The following BMPR1B variants were observed in gnomAD, a reference collection of about 807,000 sequenced individuals.
BMPR1B encodes the protein bone morphogenetic protein receptor type 1B.
BMPR1B carries 12 observed loss-of-function variants against 59.1 expected under a neutral mutation model. That is an observed-to-expected ratio of 0.20 (90% CI 0.13 to 0.33). The LOEUF (loss-of-function observed/expected upper bound fraction) is 0.33. Among genes scored for constraint, BMPR1B ranks in the 10% least tolerant of loss-of-function variants. BMPR1B has a pLI of 1.00. For missense variants in BMPR1B, 550 were observed against 610.9 expected (o/e 0.90, Z 1.05); for synonymous variants, 237 against 207.3 (o/e 1.14, Z -1.23).
intron 10 of BMPR1B, among the ~76,000 whole-genome samples, chr4:95,143,061 C>T (rs1348701279): frequency 6.6e-6 from 1 of 152,126 alleles, no homozygotes; most frequent in African/African-American, 2.4e-5. Context: ...GCTCATGTTT[C>T]ATTCTCCAAC....
At chr4:94,832,150 CTG>C (rs1291654134) in intron 1 of BMPR1B, among the ~76,000 whole-genome samples, 2 of 151,944 alleles carry the variant, frequency 1.3e-5, no homozygotes, top group Non-Finnish European at 2.9e-5. Context: ...TATGGGAAAA[CTG>C]TCTTCCATGA....
rs1208582287 is a variant in BMPR1B at position 94,850,346 on chromosome 4, G to A, written c.-182-25485G>A. ...AATACAGTTTTCAAAAATATAAAAA[G>A]CACAATTGTGCTATAATGCATGTGT... On this transcript the variant is annotated intron_variant, in intron 1 of 12. Transcript: ENST00000515059. Among the ~76,000 whole-genome samples, 5 of 152,054 alleles carry A rather than the reference G, an allele frequency of 3.3e-5. No homozygotes were observed. The East Asian group carries it at 7.7e-4, about 23-fold the overall frequency.
intron 1 of BMPR1B, among the ~76,000 whole-genome samples, chr4:94,841,002 G>T (rs1725041250): frequency 6.8e-6 from 1 of 147,064 alleles, no homozygotes; most frequent in Non-Finnish European, 1.5e-5. Context: ...TCAGCTGCAG[G>T]TCTGTTGGAG....
chr4:95,142,552 A>G (rs1396590578), intron 10 of BMPR1B, among the ~76,000 whole-genome samples: 1 of 151,492 alleles, frequency 6.6e-6, no homozygotes, highest in Non-Finnish European at 1.5e-5. Flanking sequence ...TCTCCTGTCT[A>G]TTACGTTTTT....
chr4:94,767,254 T>A (rs1223576353), intron 1 of BMPR1B, among the ~76,000 whole-genome samples: 1 of 152,248 alleles, frequency 6.6e-6, no homozygotes, highest in East Asian at 1.9e-4. Context: ...AATTTTAAAT[T>A]GTAAATCTTT....
chr4:94,835,877 T>C (rs1724791103), intron 1 of BMPR1B, among the ~76,000 whole-genome samples: 1 of 149,848 alleles, frequency 6.7e-6, no homozygotes, highest in Non-Finnish European at 1.5e-5. Context: ...TCATCTAGCA[T>C]TAGATATATC....
At chr4:94,761,457 GTGTGT>G (rs1223490863) in intron 1 of BMPR1B, among the ~76,000 whole-genome samples, 2 of 130,116 alleles carry the variant, frequency 1.5e-5, no homozygotes, top group Non-Finnish European at 3.3e-5. Flanking sequence ...GTGTGTGTGT[GTGTGT>G]TGAAGGGGGT....
chr4:94,785,397 G>T (rs188484676), intron 1 of BMPR1B, among the ~76,000 whole-genome samples: 47 of 152,310 alleles, frequency 3.1e-4, no homozygotes, highest in Admixed American at 2.2e-3. Context: ...ACTGCTAGTC[G>T]TCAGGGAGCT....
At chr4:94,884,649 T>C (rs529438440) in intron 2 of BMPR1B, among the ~76,000 whole-genome samples, 1 of 152,310 alleles carries the variant, frequency 6.6e-6, no homozygotes, top group East Asian at 1.9e-4. Flanking sequence ...GTTAATAAAA[T>C]TTTCAGACAT....
At chr4:95,012,181 A>G (rs1723271339) in intron 3 of BMPR1B, among the ~76,000 whole-genome samples, 1 of 152,222 alleles carries the variant, frequency 6.6e-6, no homozygotes, top group Non-Finnish European at 1.5e-5. Context: ...AATCATAAAT[A>G]CAATGTGCAG....
chr4:95,054,518 AC>A (rs1022959180), intron 3 of BMPR1B, among the ~76,000 whole-genome samples: 2 of 152,158 alleles, frequency 1.3e-5, no homozygotes, highest in Non-Finnish European at 2.9e-5. Flanking sequence ...TGAAAATGTG[AC>A]CTGTAATGGT....
At chr4:95,066,956 A>G (rs1021150843) in intron 3 of BMPR1B, among the ~76,000 whole-genome samples, 3 of 152,172 alleles carry the variant, frequency 2.0e-5, no homozygotes, top group Non-Finnish European at 4.4e-5. Flanking sequence ...TATTTAGGTA[A>G]TAGAGTCTTC....
At chr4:95,102,354 T>G (rs574490336) in intron 3 of BMPR1B, among the ~76,000 whole-genome samples, 1 of 152,246 alleles carries the variant, frequency 6.6e-6, no homozygotes, top group Non-Finnish European at 1.5e-5. Context: ...TGTGTGTGTT[T>G]AATTCATCCT....
At chr4:95,138,825 T>C (rs1222990666) in intron 10 of BMPR1B, among the ~76,000 whole-genome samples, 1 of 152,126 alleles carries the variant, frequency 6.6e-6, no homozygotes, top group East Asian at 1.9e-4. Context: ...TTTTTCAAGG[T>C]TTTTAGCTTC....
intron 1 of BMPR1B, among the ~76,000 whole-genome samples, chr4:94,765,852 A>T (rs1439605047): frequency 6.6e-6 from 1 of 152,164 alleles, no homozygotes; most frequent in Admixed American, 6.6e-5. Context: ...GAGGGATCTT[A>T]TGGATGGCAG....
intron 1 of BMPR1B, among the ~76,000 whole-genome samples, chr4:94,777,764 G>A (rs1027958851): frequency 1.3e-5 from 2 of 152,022 alleles, no homozygotes; most frequent in African/African-American, 4.8e-5. Context: ...GGTGTCTCAC[G>A]TCTGTAATCC....
At chr4:94,891,054 G>C (rs1192087661) in intron 2 of BMPR1B, among the ~76,000 whole-genome samples, 1 of 151,944 alleles carries the variant, frequency 6.6e-6, no homozygotes, top group Non-Finnish European at 1.5e-5. Flanking sequence ...TTCTATTGTT[G>C]CAATTTTGTT....
chr4:95,127,233 G>T (rs1331209877), intron 8 of BMPR1B, among the ~76,000 whole-genome samples: 3 of 152,016 alleles, frequency 2.0e-5, no homozygotes, highest in African/African-American at 7.2e-5. Flanking sequence ...AATCTAAAAA[G>T]TTGGTATCTA....
At chr4:94,988,157 A>G (rs959805263) in intron 2 of BMPR1B, among the ~76,000 whole-genome samples, 1 of 152,048 alleles carries the variant, frequency 6.6e-6, no homozygotes, top group African/African-American at 2.4e-5. Context: ...TTATATTGCG[A>G]ATATTTATTA....
Sources: gnomAD v4.1 joint callset for allele counts (sites outside exome capture counted in the v4.1 genomes callset) on GRCh38, gnomAD v4.1.1 for gene constraint, MANE v1.5 for transcripts, NCBI Gene and HGNC (gene_info 2026-07-23, HGNC 2026-07-21) for gene names.